PACRG: variants seen among roughly 807,000 people sequenced by gnomAD.
The protein encoded by PACRG is parkin coregulated.
PACRG carries 29 observed loss-of-function variants against 29.7 expected under a neutral mutation model. The ratio of observed to expected loss-of-function variants is 0.98; its 90% confidence interval spans 0.73 to 1.33. The LOEUF is 1.33. Ranked by LOEUF, PACRG falls within the 40% of genes most tolerant of loss-of-function variation. The pLI is 0.00. For missense variants in PACRG, 279 were observed against 316.2 expected (o/e 0.88, Z 0.89); for synonymous variants, 116 against 118.7 (o/e 0.98, Z 0.15).
intron 2 of PACRG, chr6:162,997,285 G>A: frequency 3.2e-6 from 1 of 316,430 alleles, no homozygotes. Context: ...ACTATAATTG[G>A]ATTGTCGGAA....
At chr6:163,298,001 C>G (rs2179364) in intron 4 of PACRG, among the ~76,000 whole-genome samples, 24,626 of 152,070 alleles carry the variant, frequency 0.16, 2,169 homozygotes, top group Non-Finnish European at 0.2. Context: ...GGTGGTGGCC[C>G]GGGATACCTG....
chr6:163,039,844 G>A lies in PACRG; in HGVS notation c.292-22306G>A, dbSNP rs116588698. On this transcript the variant is annotated intron_variant, in intron 2 of 4. Transcript: ENST00000366888. Reference sequence around the variant, plus strand: ...TGATATTGGAACTTATGTTTAAAAGGGAACCAGAGCAGAAAAGTTTGGAAA... The same window carrying A: ...TGATATTGGAACTTATGTTTAAAAGAGAACCAGAGCAGAAAAGTTTGGAAA... Among the ~76,000 whole-genome samples, 1,334 of 152,304 alleles carry A rather than the reference G, an allele frequency of 8.8e-3. 19 individuals carry two copies. The highest frequency in any genetic ancestry group is 0.031 in the African/African-American group (1,284 of 41,562).
intron 4 of PACRG, among the ~76,000 whole-genome samples, chr6:163,243,299 C>T (rs1016135241): frequency 8.5e-5 from 13 of 152,178 alleles, no homozygotes; most frequent in Non-Finnish European, 1.2e-4. Context: ...AGAAGTTCCA[C>T]GGGGAAAGGG....
chr6:163,132,931 T>C (rs1816794717), intron 4 of PACRG, among the ~76,000 whole-genome samples: 1 of 151,932 alleles, frequency 6.6e-6, no homozygotes, highest in Non-Finnish European at 1.5e-5. Flanking sequence ...TTAGGGAGAG[T>C]AATTTCTAGG....
chr6:162,732,365 C>A (rs1779836798), intron 1 of PACRG, among the ~76,000 whole-genome samples: 1 of 152,146 alleles, frequency 6.6e-6, no homozygotes, highest in Admixed American at 6.5e-5. Flanking sequence ...ACTATGAGGG[C>A]ATGTCCCAGA....
intron 2 of PACRG, among the ~76,000 whole-genome samples, chr6:162,890,843 C>T (rs895326510): frequency 2.6e-5 from 4 of 152,154 alleles, no homozygotes; most frequent in Non-Finnish European, 4.4e-5. Context: ...TGGTAACCTT[C>T]ACGACCCCCT....
At position 163,277,571 on chromosome 6, in the gene PACRG, T is replaced by C. The variant is rs536659782; in HGVS notation, c.614-37256T>C. On this transcript the variant is annotated intron_variant, in intron 4 of 4. Transcript: ENST00000366888. ...TATGTGTATGCATATGTCTATTTTGTCTATATATGTATACATATATACATA... is the reference window on the plus strand; with the variant it reads ...TATGTGTATGCATATGTCTATTTTGCCTATATATGTATACATATATACATA... Among the ~76,000 whole-genome samples the C allele has an allele frequency of 2.6e-3, 381 of 148,738 alleles. 4 individuals carry two copies. The highest frequency in any genetic ancestry group is 8.9e-3 in the African/African-American group (364 of 40,676).
intron 2 of PACRG, among the ~76,000 whole-genome samples, chr6:162,947,383 T>TGAC: frequency 2.8e-5 from 1 of 36,320 alleles, no homozygotes; most frequent in African/African-American, 6.8e-5. Context: ...TAATCATATA[T>TGAC]ATAATCATAT....
Position 162,936,831 on chromosome 6 carries a change from AC to A in PACRG, c.291+122553del, listed in dbSNP as rs533208924. On this transcript the variant is annotated intron_variant, in intron 2 of 4. Transcript: ENST00000366888. The stretch of plus-strand genomic sequence containing the variant: ...TTTTTTTAGTTTGGCTTATAGAGAG[AC>A]CCATTTACTTTCATGGTCTTACTAA... 1.6e-4 allele frequency among the ~76,000 whole-genome samples: 25 copies of A among 151,858 alleles called. No homozygotes were observed. The South Asian group carries it at 5.2e-3, about 32-fold the overall frequency.
chr6:162,975,650 T>C (rs768542577), intron 2 of PACRG, among the ~76,000 whole-genome samples: 12 of 152,236 alleles, frequency 7.9e-5, no homozygotes, highest in Non-Finnish European at 1.3e-4. Context: ...CCAATTCTGC[T>C]TCACAACTTT....
intron 4 of PACRG, among the ~76,000 whole-genome samples, chr6:163,126,259 A>G (rs1268064851): frequency 1.3e-5 from 2 of 152,208 alleles, no homozygotes; most frequent in African/African-American, 4.8e-5. Flanking sequence ...ACTCAGTAGC[A>G]TATGCAAAGA....
In PACRG at chr6:163,187,615, A is replaced by G. The variant is rs574801495; in HGVS notation, c.613+98207A>G. 4 of 152,126 alleles carry G rather than the reference A, an allele frequency of 2.6e-5. No individual in the cohort carries two copies. In the South Asian group the frequency reaches 8.3e-4, roughly 32 times the overall value. The allele number at this position is 152,126 out of a possible 1,614,324, so 9.4% of individuals were successfully genotyped here. On this transcript the variant is annotated intron_variant, in intron 4 of 4. Transcript: ENST00000366888. Reference sequence around the variant, plus strand: ...CCCAGCCCCGAATCCCACCTTTTCTACTTCACCCTCTTTTCTACCTCACTC... The same window carrying G: ...CCCAGCCCCGAATCCCACCTTTTCTGCTTCACCCTCTTTTCTACCTCACTC...
chr6:163,135,367 T>G (rs1816893709), intron 4 of PACRG, among the ~76,000 whole-genome samples: 1 of 152,126 alleles, frequency 6.6e-6, no homozygotes, highest in African/African-American at 2.4e-5. Context: ...TTTTGTATTT[T>G]TAGTAGAGAC....
intron 1 of PACRG, among the ~76,000 whole-genome samples, chr6:162,796,607 A>T (rs140740939): frequency 6.4e-4 from 97 of 152,172 alleles, no homozygotes; most frequent in Non-Finnish European, 1.2e-3. Flanking sequence ...ACCTGATTTT[A>T]GTCAATAATA....
chr6:163,133,520 C>T (rs180956026), intron 4 of PACRG, among the ~76,000 whole-genome samples: 465 of 152,292 alleles, frequency 3.1e-3, no homozygotes, highest in Middle Eastern at 0.01. Context: ...TAGAACACCC[C>T]TAGAGAGGAG....
chr6:163,086,650 A>AT (rs987526639), intron 3 of PACRG, among the ~76,000 whole-genome samples: 2 of 152,064 alleles, frequency 1.3e-5, no homozygotes, highest in Non-Finnish European at 1.5e-5. Context: ...ATCTGACCAC[A>AT]TTTTTTTAAA....
At chr6:163,121,200 A>C (rs564663419) in intron 4 of PACRG, among the ~76,000 whole-genome samples, 32 of 152,346 alleles carry the variant, frequency 2.1e-4, no homozygotes, top group African/African-American at 7.5e-4. Context: ...AGAAGTGATC[A>C]TTATTTTGTT....
At chr6:163,206,464 A>G (rs1182816451) in intron 4 of PACRG, among the ~76,000 whole-genome samples, 2 of 152,162 alleles carry the variant, frequency 1.3e-5, no homozygotes, top group East Asian at 3.9e-4. Context: ...AGAAAAACAA[A>G]TCCCACATGT....
At chr6:163,266,898 T>C (rs2128177611) in intron 4 of PACRG, among the ~76,000 whole-genome samples, 1 of 152,306 alleles carries the variant, frequency 6.6e-6, no homozygotes, top group African/African-American at 2.4e-5. Context: ...ATGAGCACGT[T>C]CTTCCTTCCT....
Sources: gnomAD v4.1 joint callset for allele counts (sites outside exome capture counted in the v4.1 genomes callset) on GRCh38, gnomAD v4.1.1 for gene constraint, MANE v1.5 for transcripts, NCBI Gene and HGNC (gene_info 2026-07-23, HGNC 2026-07-21) for gene names.